MAPK10: variants seen among roughly 807,000 people sequenced by gnomAD.
MAPK10 encodes JNK3 alpha protein kinase.
In MAPK10, 25 loss-of-function variants were observed where a neutral mutation model predicts 59.3. That is an observed-to-expected ratio of 0.42 (90% CI 0.31 to 0.59). MAPK10 has a LOEUF of 0.59. Ranked by LOEUF, MAPK10 falls within the 20% of genes least tolerant of loss-of-function variation. MAPK10 has a pLI of 0.15. For missense variants in MAPK10, 351 were observed against 568.9 expected (o/e 0.62, Z 3.90); for synonymous variants, 190 against 200.5 (o/e 0.95, Z 0.44).
intron 4 of MAPK10, among the ~76,000 whole-genome samples, chr4:86,135,322 C>T (rs1321676708): frequency 1.3e-5 from 2 of 152,180 alleles, no homozygotes; most frequent in Non-Finnish European, 2.9e-5. Flanking sequence ...GATCTCCCAG[C>T]ATACAGCTGG....
Position 86,451,320 on chromosome 4 carries a change from T to C in MAPK10, c.-122+1710A>G, listed in dbSNP as rs150553170. Reference sequence around the variant, plus strand: ...CAGCCTTATATTAGCAGTTCTGTGATGAATTATTAAATAGAGTAAAATATA... The same window carrying C: ...CAGCCTTATATTAGCAGTTCTGTGACGAATTATTAAATAGAGTAAAATATA... On this transcript the variant is annotated intron_variant, in intron 1 of 13. Transcript: ENST00000361569. Among the ~76,000 whole-genome samples the C allele has an allele frequency of 7.2e-3, 1,090 of 152,312 alleles. 46 individuals carry two copies. The highest frequency in any genetic ancestry group is 0.065 in the Admixed American group (995 of 15,292).
intron 2 of MAPK10, among the ~76,000 whole-genome samples, chr4:86,321,044 C>T (rs2095878548): frequency 6.6e-6 from 1 of 152,134 alleles, no homozygotes; most frequent in South Asian, 2.1e-4. Context: ...GATACCATCT[C>T]ACACCAGTTA....
chr4:86,409,791 G>A (rs1048274669), intron 1 of MAPK10, among the ~76,000 whole-genome samples: 4 of 152,136 alleles, frequency 2.6e-5, no homozygotes, highest in Non-Finnish European at 4.4e-5. Context: ...TCAGCTTAAG[G>A]AGATTTTGGG....
At chr4:86,440,949 G>A (rs1261964909) in intron 1 of MAPK10, among the ~76,000 whole-genome samples, 1 of 152,040 alleles carries the variant, frequency 6.6e-6, no homozygotes, top group Admixed American at 6.6e-5. Flanking sequence ...TAATGGGGAA[G>A]GAGGAGGAAT....
chr4:86,270,898 T>C (rs1309441281), intron 2 of MAPK10, among the ~76,000 whole-genome samples: 1 of 152,108 alleles, frequency 6.6e-6, no homozygotes, highest in African/African-American at 2.4e-5. Context: ...TAAATGAATA[T>C]ACTATAGTTT....
chr4:86,238,994 G>T (rs527332086), intron 2 of MAPK10, among the ~76,000 whole-genome samples: 1 of 152,076 alleles, frequency 6.6e-6, no homozygotes, highest in Non-Finnish European at 1.5e-5. Flanking sequence ...GTCATAAATA[G>T]CTCTTATTAT....
intron 1 of MAPK10, among the ~76,000 whole-genome samples, chr4:86,537,200 G>A (rs1367415650): frequency 6.6e-6 from 1 of 152,096 alleles, no homozygotes; most frequent in African/African-American, 2.4e-5. Flanking sequence ...AAGGCAGAGT[G>A]GTGCATATGA....
chr4:86,220,974 T>G (rs1563250148), intron 2 of MAPK10, among the ~76,000 whole-genome samples: 1 of 151,992 alleles, frequency 6.6e-6, no homozygotes, highest in East Asian at 1.9e-4. Flanking sequence ...TTCTGTATCA[T>G]TTTCCTCTCC....
At chr4:86,335,663 T>C (rs973420530) in intron 2 of MAPK10, among the ~76,000 whole-genome samples, 42 of 152,150 alleles carry the variant, frequency 2.8e-4, no homozygotes, top group African/African-American at 9.4e-4. Context: ...GGGTAATTGA[T>C]AAAGAAAAGA....
At chr4:86,381,176 T>C (rs1405382039) in intron 1 of MAPK10, among the ~76,000 whole-genome samples, 4 of 152,222 alleles carry the variant, frequency 2.6e-5, no homozygotes, top group Admixed American at 2.0e-4. Flanking sequence ...TCCAACCTGG[T>C]AATGGCTTTA....
intron 1 of MAPK10, among the ~76,000 whole-genome samples, chr4:86,527,249 C>T (rs1292476990): frequency 6.9e-6 from 1 of 144,890 alleles, no homozygotes; most frequent in Admixed American, 7.2e-5. Flanking sequence ...GAGGTCGAGG[C>T]CGCAGGGAGC....
intron 1 of MAPK10, among the ~76,000 whole-genome samples, chr4:86,365,551 C>T (rs1737726641): frequency 1.4e-5 from 2 of 146,188 alleles, no homozygotes; most frequent in African/African-American, 5.0e-5. Context: ...TATAGCATAT[C>T]ATCTTATACA....
upstream of MAPK10, among the ~76,000 whole-genome samples, chr4:86,363,678 T>C (rs1385479194): frequency 6.6e-6 from 1 of 152,212 alleles, no homozygotes; most frequent in Non-Finnish European, 1.5e-5. Context: ...TGTTCTAAGA[T>C]ATACAGTACA....
intron 3 of MAPK10, among the ~76,000 whole-genome samples, chr4:86,159,958 T>C (rs1178659979): frequency 2.6e-5 from 4 of 152,042 alleles, no homozygotes; most frequent in Non-Finnish European, 5.9e-5. Context: ...AAAGTTTTAA[T>C]TATTTTAATT....
intron 9 of MAPK10, chr4:86,089,412 T>A: frequency 1.6e-6 from 1 of 606,362 alleles, no homozygotes; most frequent in Non-Finnish European, 2.9e-6. Context: ...AGTGGCATGA[T>A]CATTAGCATT....
chr4:86,164,370 C>T (rs1343195345), intron 3 of MAPK10: 1 of 151,948 alleles, frequency 6.6e-6, no homozygotes, highest in Non-Finnish European at 1.5e-5. Flanking sequence ...ATATCTATTG[C>T]CTTGAGCACA....
intron 1 of MAPK10, among the ~76,000 whole-genome samples, chr4:86,547,283 C>T (rs888503942): frequency 1.3e-5 from 2 of 152,202 alleles, no homozygotes; most frequent in South Asian, 2.1e-4. Flanking sequence ...TGGCCAAGGC[C>T]GGAGCCGGCT....
chr4:86,160,980 AG>A (rs988333217), intron 3 of MAPK10, among the ~76,000 whole-genome samples: 1 of 75,128 alleles, frequency 1.3e-5, no homozygotes, highest in Non-Finnish European at 4.0e-5. Flanking sequence ...GATGTAAATG[AG>A]GAGAATACAA....
chr4:86,039,520 G>A (rs950892928), intron 11 of MAPK10, among the ~76,000 whole-genome samples: 3 of 152,052 alleles, frequency 2.0e-5, no homozygotes, highest in Non-Finnish European at 4.4e-5. Flanking sequence ...CACTGATCAG[G>A]GGCTTATAGC....
Sources: gnomAD v4.1 joint callset for allele counts (sites outside exome capture counted in the v4.1 genomes callset) on GRCh38, gnomAD v4.1.1 for gene constraint, MANE v1.5 for transcripts, NCBI Gene and HGNC (gene_info 2026-07-23, HGNC 2026-07-21) for gene names.